The following NEDD9 variants were observed in gnomAD, a reference collection of about 807,000 sequenced individuals.
The protein encoded by NEDD9 is enhancer of filamentation 1.
A neutral mutation model predicts 76.6 loss-of-function variants in NEDD9; 26 were observed. That is an observed-to-expected ratio of 0.34 (90% CI 0.25 to 0.47). The LOEUF is 0.47. NEDD9 is among the 20% of genes least tolerant of loss of function. The probability of loss-of-function intolerance (pLI) is 1.00; values close to 1 mark genes in which losing one functional copy is unlikely to be tolerated. For missense variants in NEDD9, 937 were observed against 1,058.5 expected, an observed-to-expected ratio of 0.89 and a Z score of 1.59; for synonymous variants, 392 against 414.2, an observed-to-expected ratio of 0.95 and a Z score of 0.65.
chr6:11,232,520 G>A lies in NEDD9; in HGVS notation c.-5C>T. The A allele has an allele frequency of 6.2e-7, 1 of 1,614,208 alleles. No individual in the cohort carries two copies. Among genetic ancestry groups the A allele is most frequent in the Non-Finnish European group, 8.5e-7 (1 of 1,180,042 alleles). ...CTCTCTTACCTTATACTTCATTTCG[G>A]CAGCGGTGGGTTGAGCCGTTTTCCT... On this transcript the variant is annotated 5_prime_UTR_variant, in exon 1 of 7. Transcript: ENST00000379446.
intron 1 of NEDD9, among the ~76,000 whole-genome samples, chr6:11,358,523 G>A (rs780079806): frequency 3.2e-4 from 49 of 152,164 alleles, no homozygotes; most frequent in Non-Finnish European, 5.3e-4. Context: ...ATAAAACGGA[G>A]CGTTTAAAAA....
rs1262461489 is a variant in NEDD9, at chr6:11,193,629, C to T, written c.523G>A (p.Asp175Asn). 3.1e-6 allele frequency: 5 copies of T among 1,613,830 alleles called. No individual in the cohort carries two copies. Among genetic ancestry groups the T allele is most frequent in the African/African-American group, 2.7e-5 (2 of 74,888 alleles). Residue 175 changes from aspartate (D) to asparagine (N), a missense_variant, in exon 3 of 7, where the codon GAC becomes AAC. Transcript: ENST00000379446. ...TGAGAAGGAGGGATATCATAGACGT[C>T]CTTTTGGTATCTGGATGGGTACTCG... is the stretch of plus-strand genomic sequence containing the variant. ...VYEYPSRYQK[D>N]VYDIPPSHTT...
chr6:11,233,267 G>A (rs750170460), upstream of NEDD9: 18 of 518,910 alleles, frequency 3.5e-5, no homozygotes, highest in Non-Finnish European at 6.5e-5. Context: ...TCTGCAAGGA[G>A]CTGGAAGACA....
intron 1 of NEDD9, among the ~76,000 whole-genome samples, chr6:11,365,563 T>A (rs1582051778): frequency 6.6e-6 from 1 of 152,312 alleles, no homozygotes; most frequent in South Asian, 2.1e-4. Context: ...TGGAGTTACA[T>A]TAATTGAAAT....
At chr6:11,263,742 A>G (rs185490261) in intron 3 of NEDD9, among the ~76,000 whole-genome samples, 1 of 152,310 alleles carries the variant, frequency 6.6e-6, no homozygotes, top group Non-Finnish European at 1.5e-5. Context: ...TGTCTGGGAC[A>G]TTTACACAGG....
intron 1 of NEDD9, among the ~76,000 whole-genome samples, chr6:11,346,264 C>T (rs1762361878): frequency 6.6e-6 from 1 of 152,142 alleles, no homozygotes; most frequent in Non-Finnish European, 1.5e-5. Context: ...TTTTATGTTC[C>T]ATGGAAGGGT....
chr6:11,213,901 ACACT>A lies in NEDD9; in HGVS notation c.13-178_13-175del, dbSNP rs1758866910. ...GTGCAGACAAAAGACAGATACATAT[ACACT>A]GCATCTGCCACCAGTGACATCAGAC... On this transcript the variant is annotated intron_variant, in intron 1 of 6. Coordinates refer to ENST00000379446, the MANE Select transcript of NEDD9 (RefSeq NM_006403.4). This position sits in a 1 kb window ranked among gnomAD's most constrained non-coding sequence, Gnocchi z 5.4. Among the ~76,000 whole-genome samples the A allele has an allele frequency of 3.3e-5, 5 of 152,346 alleles. 1 individual carries two copies. The highest frequency in any genetic ancestry group is 1.2e-4 in the African/African-American group (5 of 41,578).
chr6:11,327,840 G>A (rs1248436734), intron 2 of NEDD9, among the ~76,000 whole-genome samples: 2 of 152,222 alleles, frequency 1.3e-5, no homozygotes, highest in East Asian at 1.9e-4. Flanking sequence ...GGCTTAAGTC[G>A]TCTTAATCCA....
upstream of NEDD9, among the ~76,000 whole-genome samples, chr6:11,236,490 G>C (rs998565411): frequency 1.3e-5 from 2 of 152,218 alleles, no homozygotes; most frequent in Non-Finnish European, 2.9e-5. The surrounding 1 kb of genome is among the most constrained non-coding windows in gnomAD (Gnocchi z 5.5). Context: ...CCACGTGACT[G>C]CTCTCTAAGA....
intron 2 of NEDD9, among the ~76,000 whole-genome samples, chr6:11,196,146 TA>T (rs1445371258): frequency 2.0e-5 from 3 of 149,860 alleles, no homozygotes; most frequent in African/African-American, 7.4e-5. Flanking sequence ...CTACTAAAAA[TA>T]CACAAAATTA....
intron 1 of NEDD9, among the ~76,000 whole-genome samples, chr6:11,215,895 G>T (rs908321202): frequency 6.6e-6 from 1 of 152,172 alleles, no homozygotes; most frequent in Non-Finnish European, 1.5e-5. Context: ...TTCGGAATTG[G>T]GCCACTTCCA....
chr6:11,186,025 A>G (rs943998168), intron 6 of NEDD9, among the ~76,000 whole-genome samples: 1 of 152,190 alleles, frequency 6.6e-6, no homozygotes, highest in Non-Finnish European at 1.5e-5. Context: ...AGTAGGCTCT[A>G]TGTAAATGTT....
Position 11,296,655 on chromosome 6 carries a change from CTTTCCT to C in NEDD9, c.12+9331_12+9336del, listed in dbSNP as rs768684220. Among the ~76,000 whole-genome samples the C allele has an allele frequency of 5.3e-3, 633 of 119,258 alleles. 6 individuals carry two copies. Among genetic ancestry groups the C allele is most frequent in the African/African-American group, 8.3e-3 (243 of 29,276 alleles). 78.2% of individuals were successfully genotyped at this position (119,258 alleles called of 152,430 possible). A position where few individuals can be genotyped will look rare whatever the true frequency, so the allele number is the denominator to read the frequency against. On this transcript the variant is annotated intron_variant, in intron 3 of 3. Transcript: ENST00000397378. ...CTTCCTTCCTTCCTTTCCTTCCTTC[CTTTCCT>C]TTCCTTTCCTTTCCTTTCCCTTCCT...
At chr6:11,279,448 G>T (rs964821637) in intron 3 of NEDD9, among the ~76,000 whole-genome samples, 2 of 152,248 alleles carry the variant, frequency 1.3e-5, no homozygotes, top group Non-Finnish European at 2.9e-5. Flanking sequence ...GAAACGGTCC[G>T]CGGCACCGGG....
At chr6:11,187,764 T>G (rs960944) in intron 6 of NEDD9, among the ~76,000 whole-genome samples, 131,875 of 152,120 alleles carry the variant, frequency 0.87, 57,354 homozygotes, top group East Asian at 1. Flanking sequence ...AGAAAATAGG[T>G]GAGAGTGAAG....
chr6:11,297,643 C>T (rs1760929718), intron 3 of NEDD9, among the ~76,000 whole-genome samples: 1 of 152,224 alleles, frequency 6.6e-6, no homozygotes, highest in Admixed American at 6.5e-5. Flanking sequence ...TTTCTTTTAG[C>T]TGCACTGACT....
At chr6:11,277,604 T>C in intron 3 of NEDD9, among the ~76,000 whole-genome samples, 1 of 152,168 alleles carries the variant, frequency 6.6e-6, no homozygotes, top group Admixed American at 6.5e-5. Flanking sequence ...ATGAGGCACG[T>C]TGCCCTCAGC....
At chr6:11,323,590 A>T (rs1196738749) in intron 2 of NEDD9, among the ~76,000 whole-genome samples, 1 of 152,220 alleles carries the variant, frequency 6.6e-6, no homozygotes, top group Non-Finnish European at 1.5e-5. Context: ...GCTGCTAAAC[A>T]TCCTACGGTA....
At chr6:11,376,200 T>G (rs113246139) in intron 1 of NEDD9, among the ~76,000 whole-genome samples, 10 of 152,076 alleles carry the variant, frequency 6.6e-5, no homozygotes, top group African/African-American at 2.2e-4. Context: ...ACACAGAAAA[T>G]TGAAAATTGG....
Sources: allele counts gnomAD v4.1 joint callset (sites outside exome capture counted in the v4.1 genomes callset), GRCh38; gene constraint gnomAD v4.1.1; non-coding constraint Gnocchi (gnomAD v3.1); transcripts MANE v1.5; gene names NCBI Gene and HGNC (gene_info 2026-07-23, HGNC 2026-07-21).